The following STXBP6 variants were observed in gnomAD, a reference collection of about 807,000 sequenced individuals.
STXBP6 encodes syntaxin binding protein 6.
In STXBP6, 21 loss-of-function variants were observed where a neutral mutation model predicts 26.9. That is an observed-to-expected ratio of 0.78 (90% confidence interval 0.55 to 1.12). The LOEUF (loss-of-function observed/expected upper bound fraction) is 1.12, where lower values mean the gene tolerates loss of function less well. STXBP6 is among the 50% of genes most tolerant of loss of function. STXBP6 has a pLI of 0.00. For missense variants in STXBP6, 232 were observed against 257.9 expected, an observed-to-expected ratio of 0.90 and a Z score of 0.69; for synonymous variants, 97 against 92.6, an observed-to-expected ratio of 1.05 and a Z score of -0.27.
chr14:24,876,979 A>C (rs1395106373), intron 2 of STXBP6, among the ~76,000 whole-genome samples: 1 of 152,236 alleles, frequency 6.6e-6, no homozygotes, highest in Non-Finnish European at 1.5e-5. Flanking sequence ...TCACTCTTTA[A>C]GCTTGGCTTC....
At chr14:24,877,717 A>G (rs2070197445) in intron 2 of STXBP6, among the ~76,000 whole-genome samples, 3 of 152,180 alleles carry the variant, frequency 2.0e-5, no homozygotes, top group African/African-American at 7.2e-5. Context: ...ATCTTTTACT[A>G]TTGCAAACAA....
chr14:25,003,484 G>T (rs551864310), intron 1 of STXBP6, among the ~76,000 whole-genome samples: 89 of 152,286 alleles, frequency 5.8e-4, no homozygotes, highest in African/African-American at 2.0e-3. Flanking sequence ...CATTTTCAGA[G>T]AATTCTCTGG....
intron 2 of STXBP6, among the ~76,000 whole-genome samples, chr14:24,927,356 G>A (rs1013965695): frequency 1.3e-5 from 2 of 152,136 alleles, no homozygotes; most frequent in African/African-American, 2.4e-5. Context: ...CTCAGTGGCC[G>A]ACTTTGTTTC....
chr14:24,928,563 C>T (rs1310412627), intron 2 of STXBP6, among the ~76,000 whole-genome samples: 2 of 152,144 alleles, frequency 1.3e-5, no homozygotes, highest in Admixed American at 6.5e-5. Flanking sequence ...GGATAACCTA[C>T]CCAGCTTTTG....
At chr14:24,983,374 T>C (rs2074248502) in intron 1 of STXBP6, among the ~76,000 whole-genome samples, 1 of 152,188 alleles carries the variant, frequency 6.6e-6, no homozygotes, top group Non-Finnish European at 1.5e-5. Context: ...GCACTGGAAA[T>C]AGCCAAATCT....
At chr14:24,966,189 T>C (rs182381462) in intron 2 of STXBP6, among the ~76,000 whole-genome samples, 1 of 152,170 alleles carries the variant, frequency 6.6e-6, no homozygotes, top group Non-Finnish European at 1.5e-5. Flanking sequence ...CTTGTTTCCA[T>C]CTGGTTTTAG....
At chr14:24,974,145 C>T (rs541319775) in intron 2 of STXBP6, among the ~76,000 whole-genome samples, 4 of 151,940 alleles carry the variant, frequency 2.6e-5, no homozygotes, top group Non-Finnish European at 4.4e-5. Context: ...AAAACAGATG[C>T]CTCTTCTTGA....
rs71449215 is a variant in STXBP6 at position 24,836,606 on chromosome 14, C to CAAAAA, written c.452-17417_452-17413dup. On this transcript the variant is annotated intron_variant, in intron 4 of 5. Coordinates refer to ENST00000323944, the MANE Select transcript of STXBP6 (RefSeq NM_001394410.1). The stretch of plus-strand genomic sequence containing the variant: ...TAGGTGACACAGCAAGACTCCCTCT[C>CAAAAA]AAAAAAAAAAAAAAAAAAAAAAAGA... Among the ~76,000 whole-genome samples, 276 of 43,856 alleles carry CAAAAA rather than the reference C, an allele frequency of 6.3e-3. 5 individuals are homozygous for CAAAAA. Among genetic ancestry groups the CAAAAA allele is most frequent in the East Asian group, 0.01 (19 of 1,896 alleles). The allele number at this position is 43,856 out of a possible 152,430, so 28.8% of individuals were successfully genotyped here. A position where few individuals can be genotyped will look rare whatever the true frequency, so the allele number is the denominator to read the frequency against.
At chr14:24,957,089 T>G (rs1177633850) in intron 2 of STXBP6, among the ~76,000 whole-genome samples, 1 of 152,168 alleles carries the variant, frequency 6.6e-6, no homozygotes, top group Non-Finnish European at 1.5e-5. Flanking sequence ...GCTAGTGGTC[T>G]TACTTAATTT....
intron 2 of STXBP6, among the ~76,000 whole-genome samples, chr14:24,882,686 C>A (rs1391702342): frequency 6.6e-6 from 1 of 152,144 alleles, no homozygotes; most frequent in South Asian, 2.1e-4. Flanking sequence ...TCATTCTCAG[C>A]AAGGGAATAC....
intron 2 of STXBP6, among the ~76,000 whole-genome samples, chr14:24,908,593 T>C (rs957460428): frequency 1.5e-4 from 23 of 152,212 alleles, no homozygotes; most frequent in Non-Finnish European, 2.8e-4. Flanking sequence ...GGTTCCTCAA[T>C]TGCATCAAAC....
chr14:24,908,469 T>C (rs1051760382), intron 2 of STXBP6, among the ~76,000 whole-genome samples: 1 of 152,238 alleles, frequency 6.6e-6, no homozygotes, highest in Non-Finnish European at 1.5e-5. Context: ...ACAATGTGTA[T>C]AGAAGCTCCA....
intron 1 of STXBP6, among the ~76,000 whole-genome samples, chr14:24,991,811 G>A (rs138688772): frequency 5.9e-5 from 9 of 152,302 alleles, no homozygotes; most frequent in Non-Finnish European, 1.2e-4. Context: ...GCACAGCCTG[G>A]AGGGCTTGCT....
intron 1 of STXBP6, among the ~76,000 whole-genome samples, chr14:25,029,190 T>C (rs536017638): frequency 6.6e-6 from 1 of 152,280 alleles, no homozygotes; most frequent in South Asian, 2.1e-4. Context: ...GGTAAAATGC[T>C]AACAAACAGC....
chr14:24,969,053 C>A (rs1054366469), intron 2 of STXBP6, among the ~76,000 whole-genome samples: 2 of 152,122 alleles, frequency 1.3e-5, no homozygotes, highest in African/African-American at 4.8e-5. Context: ...AAATAAAGGG[C>A]AGTATTGGCA....
intron 4 of STXBP6, among the ~76,000 whole-genome samples, chr14:24,853,043 T>C (rs563815506): frequency 6.6e-5 from 10 of 152,254 alleles, no homozygotes; most frequent in Non-Finnish European, 1.2e-4. Flanking sequence ...AACATATGTA[T>C]AGAATCTGGT....
intron 2 of STXBP6, among the ~76,000 whole-genome samples, chr14:24,919,911 C>G (rs1044210748): frequency 3.9e-5 from 6 of 152,128 alleles, no homozygotes; most frequent in African/African-American, 1.4e-4. Context: ...AACAGCTACA[C>G]AGAGACAAGT....
chr14:24,986,190 G>A (rs1297202839), intron 1 of STXBP6, among the ~76,000 whole-genome samples: 1 of 152,088 alleles, frequency 6.6e-6, no homozygotes, highest in African/African-American at 2.4e-5. Flanking sequence ...AAAACCTCTA[G>A]CCCATAGAGT....
chr14:24,894,524 G>A (rs1415124483), intron 2 of STXBP6, among the ~76,000 whole-genome samples: 2 of 152,152 alleles, frequency 1.3e-5, no homozygotes, highest in Non-Finnish European at 2.9e-5. Flanking sequence ...GTGTCCCCCA[G>A]ACAGGAAACT....
Sources: gnomAD v4.1 joint callset for allele counts (sites outside exome capture counted in the v4.1 genomes callset) on GRCh38, gnomAD v4.1.1 for gene constraint, MANE v1.5 for transcripts, NCBI Gene and HGNC (gene_info 2026-07-23, HGNC 2026-07-21) for gene names.